CGGBP1: variants seen among roughly 807,000 people sequenced by gnomAD.
The protein encoded by CGGBP1 is CGG triplet repeat-binding protein 1.
In CGGBP1, 4 loss-of-function variants were observed where a neutral mutation model predicts 11.4. The observed-to-expected ratio is 0.35, with a 90% CI of 0.17 to 0.80. The LOEUF is 0.80. Ranked by LOEUF, CGGBP1 falls within the 30% of genes least tolerant of loss-of-function variation. The pLI is 0.52. For missense variants in CGGBP1, 135 were observed against 202.1 expected (o/e 0.67, Z 2.01); for synonymous variants, 76 against 74.1 (o/e 1.03, Z -0.13).
intron 2 of CGGBP1, among the ~76,000 whole-genome samples, chr3:88,132,114 T>C (rs1480352677): frequency 6.6e-6 from 1 of 152,162 alleles, no homozygotes; most frequent in African/African-American, 2.4e-5. Flanking sequence ...TAATACTGTG[T>C]TCAAGCCATT....
intron 2 of CGGBP1, among the ~76,000 whole-genome samples, chr3:88,124,228 A>T (rs1559726010): frequency 6.6e-6 from 1 of 152,198 alleles, no homozygotes; most frequent in Non-Finnish European, 1.5e-5. Flanking sequence ...CTTCATCCTC[A>T]CAACAATCCT....
chr3:88,056,002 T>C lies in CGGBP1; in HGVS notation c.-23-3A>G, dbSNP rs1706532874. The C allele has an allele frequency of 6.4e-7, 1 of 1,565,318 alleles. No homozygotes were observed. Among genetic ancestry groups the C allele is most frequent in the Non-Finnish European group, 8.6e-7 (1 of 1,156,664 alleles). On this transcript the variant is annotated splice_polypyrimidine_tract_variant and splice_region_variant and intron_variant, in intron 3 of 3. Coordinates refer to ENST00000482016, the MANE Select transcript of CGGBP1 (RefSeq NM_001008390.2). ...TCTGACTCTAAATAAATATGGTTCT[T>C]TCAAGACAAAAGAAACAAAGATGAG... is the stretch of plus-strand genomic sequence containing the variant.
At chr3:88,139,860 G>C (rs766111404) in intron 2 of CGGBP1, 5 of 1,600,884 alleles carry the variant, frequency 3.1e-6, no homozygotes, top group Non-Finnish European at 4.3e-6. Context: ...CAATGGAACT[G>C]TGTGCCATCC....
chr3:88,105,991 T>A (rs1051713476), intron 2 of CGGBP1, among the ~76,000 whole-genome samples: 4 of 152,212 alleles, frequency 2.6e-5, no homozygotes, highest in Non-Finnish European at 5.9e-5. Flanking sequence ...CATGTAATGA[T>A]CTAGCCTTCT....
intron 2 of CGGBP1, among the ~76,000 whole-genome samples, chr3:88,104,130 C>A (rs778785574): frequency 1.3e-5 from 2 of 152,062 alleles, no homozygotes; most frequent in Non-Finnish European, 2.9e-5. Flanking sequence ...TGAGGTAATT[C>A]ATTTCTGGCA....
intron 2 of CGGBP1, among the ~76,000 whole-genome samples, chr3:88,131,580 A>G (rs1218855835): frequency 1.3e-5 from 2 of 151,958 alleles, no homozygotes; most frequent in Non-Finnish European, 2.9e-5. Context: ...ACCCATTTCT[A>G]CTCTTTAGGG....
At chr3:88,106,144 C>T (rs1320674754) in intron 2 of CGGBP1, among the ~76,000 whole-genome samples, 1 of 152,156 alleles carries the variant, frequency 6.6e-6, no homozygotes, top group African/African-American at 2.4e-5. Context: ...TACTCAGTCT[C>T]AGGTACTCTG....
At chr3:88,102,123 T>C (rs770915547) in intron 2 of CGGBP1, among the ~76,000 whole-genome samples, 6 of 152,168 alleles carry the variant, frequency 3.9e-5, no homozygotes, top group Non-Finnish European at 7.4e-5. Context: ...TTGGTGTCTT[T>C]TGAAGTTTAT....
intron 3 of CGGBP1, 60 bp from the exon 4 acceptor site, chr3:88,056,059 G>T: frequency 7.6e-7 from 1 of 1,321,532 alleles, no homozygotes; most frequent in South Asian, 1.4e-5. Context: ...TGGAAGTAAT[G>T]AACAATAAAA....
chr3:88,127,235 A>G (rs1273157376), intron 2 of CGGBP1, among the ~76,000 whole-genome samples: 2 of 152,146 alleles, frequency 1.3e-5, no homozygotes, highest in Non-Finnish European at 2.9e-5. Context: ...ATTTCATACC[A>G]CAAATTTTGT....
At chr3:88,100,621 G>A (rs60100129) in intron 2 of CGGBP1, among the ~76,000 whole-genome samples, 3 of 152,220 alleles carry the variant, frequency 2.0e-5, no homozygotes, top group East Asian at 3.9e-4. Flanking sequence ...CATGGAATAC[G>A]ATGCAGCCAT....
Position 88,121,684 on chromosome 3 carries a change from G to T in CGGBP1, c.-229+19286C>A, listed in dbSNP as rs1206962829. On this transcript the variant is annotated intron_variant, in intron 2 of 3. Coordinates refer to the CGGBP1 transcript ENST00000462901. ...TTGCTATGAGATAACCAATCAATGTGTAATAAGATTTATGATTATTCTCAT... is the reference window on the plus strand; with the variant it reads ...TTGCTATGAGATAACCAATCAATGTTTAATAAGATTTATGATTATTCTCAT... 5.9e-5 allele frequency among the ~76,000 whole-genome samples: 9 copies of T among 152,220 alleles called. No homozygotes were observed. The East Asian group carries it at 1.7e-3, about 29-fold the overall frequency.
chr3:88,130,024 G>A lies in CGGBP1; in HGVS notation c.-229+10946C>T, dbSNP rs1342039350. On this transcript the variant is annotated intron_variant, in intron 2 of 3. Transcript: ENST00000462901. ...GATAATGTGCCACTAAACTGATAGT[G>A]TAAATGTTTAAGGGATGTGCTATAA... Among the ~76,000 whole-genome samples the A allele has an allele frequency of 2.6e-5, 4 of 152,312 alleles. No individual in the cohort carries two copies. In the East Asian group the frequency reaches 7.7e-4, roughly 29 times the overall value.
chr3:88,071,888 CTCTTA>C (rs1204795755), intron 2 of CGGBP1, among the ~76,000 whole-genome samples: 3 of 152,208 alleles, frequency 2.0e-5, no homozygotes, highest in South Asian at 2.1e-4. Flanking sequence ...TTTATCTTCT[CTCTTA>C]TATTTTGAAG....
At chr3:88,091,851 G>A (rs1361795481) in intron 2 of CGGBP1, among the ~76,000 whole-genome samples, 1 of 152,130 alleles carries the variant, frequency 6.6e-6, no homozygotes, top group African/African-American at 2.4e-5. Flanking sequence ...GGCCTCCTCA[G>A]CCATGTAGAA....
At chr3:88,068,957 C>G (rs1707351275) in intron 2 of CGGBP1, among the ~76,000 whole-genome samples, 1 of 152,018 alleles carries the variant, frequency 6.6e-6, no homozygotes, top group South Asian at 2.1e-4. Flanking sequence ...ATTGTACCAT[C>G]TATGCATATA....
Position 88,083,941 on chromosome 3 carries a change from T to TTATATATATA in CGGBP1, c.-228-25728_-228-25719dup, listed in dbSNP as rs78670676. The stretch of plus-strand genomic sequence containing the variant: ...AATAGGACAATGTAATGTACTTATT[T>TTATATATATA]TATATATATATATATATATATATAT... On this transcript the variant is annotated intron_variant, in intron 2 of 3. Transcript: ENST00000462901. Among the ~76,000 whole-genome samples, 642 of 147,728 alleles carry TTATATATATA rather than the reference T, an allele frequency of 4.3e-3. 4 individuals are homozygous for TTATATATATA. The highest frequency in any genetic ancestry group is 0.014 in the African/African-American group (554 of 40,076).
At chr3:88,145,151 A>C (rs995545861) in intron 1 of CGGBP1, among the ~76,000 whole-genome samples, 2 of 152,140 alleles carry the variant, frequency 1.3e-5, no homozygotes, top group African/African-American at 4.8e-5. Flanking sequence ...TTCACTGGGG[A>C]AATGAAGTCA....
chr3:88,118,668 G>A (rs546910159), intron 2 of CGGBP1, among the ~76,000 whole-genome samples: 2 of 152,282 alleles, frequency 1.3e-5, no homozygotes, highest in African/African-American at 4.8e-5. Flanking sequence ...AACCTTTGTA[G>A]TGCTAGCTAA....
Sources: gnomAD v4.1 joint callset for allele counts (sites outside exome capture counted in the v4.1 genomes callset) on GRCh38, gnomAD v4.1.1 for gene constraint, MANE v1.5 for transcripts, NCBI Gene and HGNC (gene_info 2026-07-23, HGNC 2026-07-21) for gene names.